Variants in MCU observed in about 807,000 individuals in gnomAD.
The protein encoded by MCU is mitochondrial calcium uniporter, also known as calcium uniporter protein, mitochondrial.
MCU carries 12 observed loss-of-function variants against 45.2 expected under a neutral mutation model. That is an observed-to-expected ratio of 0.27 (90% CI 0.17 to 0.43). MCU has a LOEUF of 0.43. Among genes scored for constraint, MCU ranks in the 20% least tolerant of loss-of-function variants. MCU has a pLI of 1.00. For synonymous variants in MCU, 160 were observed against 165.1 expected (o/e 0.97, Z 0.24); for missense variants, 324 against 436.7 (o/e 0.74, Z 2.30).
intron 2 of MCU, among the ~76,000 whole-genome samples, chr10:72,839,875 A>G (rs1386495115): frequency 6.8e-6 from 1 of 148,052 alleles, no homozygotes; most frequent in Non-Finnish European, 1.5e-5. Flanking sequence ...GAGGCTGGGG[A>G]ATGGCGTGAA....
At chr10:72,702,085 CA>C (rs924849513) in intron 1 of MCU, among the ~76,000 whole-genome samples, 2 of 148,976 alleles carry the variant, frequency 1.3e-5, no homozygotes, top group Non-Finnish European at 1.5e-5. Flanking sequence ...ATTAAAAATA[CA>C]AAAAAAATTA....
At chr10:72,731,091 G>T (rs2132684636) in intron 1 of MCU, 1 of 152,234 alleles carries the variant, frequency 6.6e-6, no homozygotes, top group South Asian at 2.1e-4. Context: ...CCTGGCCCCA[G>T]TTTATATATA....
In MCU at chr10:72,886,490, T is replaced by A. The variant is rs1283987388; in HGVS notation, c.*668T>A. 2 of 152,382 alleles carry A rather than the reference T, an allele frequency of 1.3e-5. No individual in the cohort carries two copies. Among genetic ancestry groups the A allele is most frequent in the Non-Finnish European group, 2.9e-5 (2 of 68,052 alleles). The allele number at this position is 152,382 out of a possible 1,614,324, so 9.4% of individuals were successfully genotyped here. On this transcript the variant is annotated 3_prime_UTR_variant, in exon 8 of 8. Transcript: ENST00000373053. ...TGTCTATATATCCCAGTGCTCTGGATCAGTGTCTAAAAATCACTGGCAACA... is the reference window on the plus strand; with the variant it reads ...TGTCTATATATCCCAGTGCTCTGGAACAGTGTCTAAAAATCACTGGCAACA...
chr10:72,698,493 G>A (rs1264617850), intron 1 of MCU, among the ~76,000 whole-genome samples: 4 of 152,186 alleles, frequency 2.6e-5, no homozygotes, highest in African/African-American at 9.7e-5. Context: ...CAGGATAGCT[G>A]TTAGAATAGA....
At chr10:72,863,763 G>A (rs541996033) in intron 4 of MCU, among the ~76,000 whole-genome samples, 81 of 152,118 alleles carry the variant, frequency 5.3e-4, no homozygotes, top group African/African-American at 1.9e-3. Context: ...TTACAGGCAC[G>A]TGCCACCATG....
chr10:72,860,565 G>A, intron 4 of MCU, 38 bp downstream of exon 4: 1 of 1,501,084 alleles, frequency 6.7e-7, no homozygotes, highest in Non-Finnish European at 9.2e-7. Context: ...AGAAATGTGG[G>A]AAGGGCTTTT....
chr10:72,839,298 C>T (rs551143071), intron 2 of MCU, among the ~76,000 whole-genome samples: 1 of 152,214 alleles, frequency 6.6e-6, no homozygotes, highest in East Asian at 1.9e-4. Flanking sequence ...CCACAACAAT[C>T]CATCTTTGGA....
At chr10:72,812,440 C>G (rs1310880029) in intron 1 of MCU, among the ~76,000 whole-genome samples, 1 of 152,178 alleles carries the variant, frequency 6.6e-6, no homozygotes, top group Non-Finnish European at 1.5e-5. Context: ...GCCACTGCGC[C>G]CATACTCCAG....
Position 72,861,765 on chromosome 10 carries a change from G to A in MCU, c.496+1238G>A, listed in dbSNP as rs566173775. ...ACCTGCCTCAGCCTCCCAAAGTGCC[G>A]AGATTATAGCCGTGAGTCACCGCAC... On this transcript the variant is annotated intron_variant, in intron 4 of 7. Transcript: ENST00000373053. 20 of 321,036 alleles carry A rather than the reference G, an allele frequency of 6.2e-5. 1 individual carries two copies. The highest frequency in any genetic ancestry group is 4.2e-4 in the South Asian group (18 of 42,960). The allele number at this position is 321,036 out of a possible 1,614,324, so 19.9% of individuals were successfully genotyped here.
intron 1 of MCU, among the ~76,000 whole-genome samples, chr10:72,735,690 A>G (rs1843243595): frequency 6.6e-6 from 1 of 152,196 alleles, no homozygotes; most frequent in South Asian, 2.1e-4. Context: ...CTGCCTTGGG[A>G]GGTAATCAGA....
At chr10:72,757,221 G>A (rs1843590576) in intron 1 of MCU, among the ~76,000 whole-genome samples, 1 of 152,158 alleles carries the variant, frequency 6.6e-6, no homozygotes, top group Admixed American at 6.5e-5. Flanking sequence ...TGAAAGAGCT[G>A]AGAGCCAAAT....
At chr10:72,721,956 C>A (rs1843027663) in intron 1 of MCU, among the ~76,000 whole-genome samples, 1 of 152,118 alleles carries the variant, frequency 6.6e-6, no homozygotes, top group Non-Finnish European at 1.5e-5. Context: ...TTACTATCCA[C>A]TTAGGCTCCT....
At chr10:72,847,075 G>A (rs546008430) in intron 2 of MCU, among the ~76,000 whole-genome samples, 3 of 152,280 alleles carry the variant, frequency 2.0e-5, no homozygotes, top group South Asian at 4.1e-4. Context: ...GGGTTCAAGC[G>A]ATTCTTCTGC....
intron 5 of MCU, among the ~76,000 whole-genome samples, chr10:72,869,631 A>G (rs1008469779): frequency 1.3e-5 from 2 of 152,110 alleles, no homozygotes; most frequent in Non-Finnish European, 2.9e-5. Flanking sequence ...TAACAATACA[A>G]CAACAAAAAA....
intron 2 of MCU, among the ~76,000 whole-genome samples, chr10:72,848,346 A>G (rs949784024): frequency 2.6e-5 from 4 of 152,158 alleles, no homozygotes; most frequent in Non-Finnish European, 5.9e-5. Context: ...CGAGGAGTCC[A>G]TCTAGTGAGG....
intron 1 of MCU, among the ~76,000 whole-genome samples, chr10:72,788,282 G>A (rs1385028686): frequency 6.6e-6 from 1 of 152,144 alleles, no homozygotes; most frequent in Non-Finnish European, 1.5e-5. Context: ...TGAAATGATG[G>A]GATTGTAGTG....
chr10:72,722,113 A>G lies in MCU; in HGVS notation c.150+29812A>G, dbSNP rs2132673232. ...TTATTTGAAGATAAATTGGGTTTAT[A>G]GGGAATTCTTGGTATAAATATTAAC... On this transcript the variant is annotated intron_variant, in intron 1 of 7. Transcript: ENST00000373053. Among the ~76,000 whole-genome samples, 3 of 152,286 alleles carry G rather than the reference A, an allele frequency of 2.0e-5. No individual in the cohort carries two copies. In the South Asian group the frequency reaches 6.2e-4, roughly 32 times the overall value.
At chr10:72,775,141 A>G (rs148659828) in intron 1 of MCU, among the ~76,000 whole-genome samples, 22 of 152,296 alleles carry the variant, frequency 1.4e-4, no homozygotes, top group African/African-American at 5.1e-4. Context: ...AGTCTCCCTT[A>G]GGCCACAAAA....
rs1288067563 is a variant in MCU, at chr10:72,838,117, T to C, written c.220+3689T>C. Among the ~76,000 whole-genome samples, 10 of 151,986 alleles carry C rather than the reference T, an allele frequency of 6.6e-5. No homozygotes were observed. The East Asian group carries it at 1.9e-3, about 29-fold the overall frequency. On this transcript the variant is annotated intron_variant, in intron 2 of 7. Coordinates refer to ENST00000373053, the MANE Select transcript of MCU (RefSeq NM_138357.3). ...ACCTTGTGATCCACCCGCCTCAGCC[T>C]ACCAAAGTGTTGGGATTACAGGTGT...
Sources: gnomAD v4.1 joint callset for allele counts (sites outside exome capture counted in the v4.1 genomes callset) on GRCh38, gnomAD v4.1.1 for gene constraint, MANE v1.5 for transcripts, NCBI Gene and HGNC (gene_info 2026-07-23, HGNC 2026-07-21) for gene names.